Variants in CADPS2 observed in about 807,000 individuals in gnomAD.
CADPS2 encodes the protein calcium dependent secretion activator 2.
CADPS2 carries 93 observed loss-of-function variants against 172.5 expected under a neutral mutation model. The observed-to-expected ratio is 0.54, with a 90% confidence interval of 0.46 to 0.64. The LOEUF (loss-of-function observed/expected upper bound fraction) is 0.64, where lower values mean the gene tolerates loss of function less well. Among genes scored for constraint, CADPS2 ranks in the 30% least tolerant of loss-of-function variants. The pLI is 0.00. For synonymous variants in CADPS2, 546 were observed against 555.2 expected, an observed-to-expected ratio of 0.98 and a Z score of 0.23; for missense variants, 1,420 against 1,565.9, an observed-to-expected ratio of 0.91 and a Z score of 1.57.
intron 7 of CADPS2, among the ~76,000 whole-genome samples, chr7:122,575,116 C>T (rs969301311): frequency 1.3e-5 from 2 of 151,074 alleles, no homozygotes; most frequent in Non-Finnish European, 2.9e-5. Context: ...TTTTTCTAAT[C>T]CAGAATAAAG....
chr7:122,851,392 C>A (rs575589502), intron 1 of CADPS2, among the ~76,000 whole-genome samples: 1 of 152,152 alleles, frequency 6.6e-6, no homozygotes, highest in Non-Finnish European at 1.5e-5. Context: ...AAACCATGGC[C>A]TCAGAGTGAA....
At chr7:122,883,602 A>G (rs950910644) in intron 1 of CADPS2, among the ~76,000 whole-genome samples, 1 of 152,198 alleles carries the variant, frequency 6.6e-6, no homozygotes, top group Non-Finnish European at 1.5e-5. Flanking sequence ...AAATTCACAT[A>G]AACATAGTTA....
At chr7:122,702,344 C>T (rs1416508443) in intron 2 of CADPS2, 26 of 1,613,688 alleles carry the variant, frequency 1.6e-5, no homozygotes, top group Non-Finnish European at 2.2e-5. Flanking sequence ...TACTTTACTG[C>T]CCGTACCTTG....
At chr7:122,780,235 T>C (rs1318078325) in intron 1 of CADPS2, among the ~76,000 whole-genome samples, 1 of 152,080 alleles carries the variant, frequency 6.6e-6, no homozygotes, top group East Asian at 1.9e-4. Context: ...TTCTGCTTGA[T>C]TCCATTGAAG....
chr7:122,540,605 T>C (rs972688296), intron 8 of CADPS2, among the ~76,000 whole-genome samples: 4 of 152,094 alleles, frequency 2.6e-5, no homozygotes, highest in African/African-American at 9.7e-5. Context: ...TTCTCTTGCT[T>C]CTCTCAGCAA....
At chr7:122,617,770 ACAGTGGCT>A (rs1443680549) in intron 5 of CADPS2, among the ~76,000 whole-genome samples, 1 of 152,200 alleles carries the variant, frequency 6.6e-6, no homozygotes, top group Non-Finnish European at 1.5e-5. Context: ...TAAGCCGGGC[ACAGTGGCT>A]CACGCCTGTA....
At chr7:122,366,642 CACACATAT>C (rs2040903701) in intron 25 of CADPS2, 1 of 115,686 alleles carries the variant, frequency 8.6e-6, no homozygotes, top group African/African-American at 3.4e-5. Context: ...CACACACACA[CACACATAT>C]ATATACATAC....
intron 3 of CADPS2, among the ~76,000 whole-genome samples, chr7:122,661,150 A>G (rs993880255): frequency 2.0e-5 from 3 of 152,224 alleles, no homozygotes; most frequent in African/African-American, 4.8e-5. Context: ...ACAATAAAAC[A>G]TAACAATCCT....
At chr7:122,727,233 CAT>C (rs770087990) in intron 2 of CADPS2, among the ~76,000 whole-genome samples, 3 of 151,870 alleles carry the variant, frequency 2.0e-5, no homozygotes, top group African/African-American at 2.4e-5. Context: ...ATAGCACAAA[CAT>C]AAGCATCTCA....
chr7:122,694,635 C>T (rs187127617), intron 2 of CADPS2, among the ~76,000 whole-genome samples: 56 of 152,292 alleles, frequency 3.7e-4, no homozygotes, highest in Admixed American at 8.5e-4. Flanking sequence ...AAGAGACCAT[C>T]TGTTTTTCTA....
At chr7:122,488,727 G>A (rs1422113452) in intron 11 of CADPS2, among the ~76,000 whole-genome samples, 1 of 152,264 alleles carries the variant, frequency 6.6e-6, no homozygotes, top group Non-Finnish European at 1.5e-5. Flanking sequence ...CATGGAAGAA[G>A]AGTAGGGGGA....
intron 8 of CADPS2, among the ~76,000 whole-genome samples, chr7:122,549,676 C>T (rs2064010964): frequency 6.6e-6 from 1 of 151,538 alleles, no homozygotes; most frequent in Middle Eastern, 3.2e-3. Flanking sequence ...GTTCAAGGGA[C>T]TCAAGTAGGA....
intron 1 of CADPS2, among the ~76,000 whole-genome samples, chr7:122,761,351 C>T (rs990153239): frequency 2.0e-5 from 3 of 152,080 alleles, no homozygotes; most frequent in East Asian, 3.9e-4. Flanking sequence ...ACTAAGCCCA[C>T]AAGATGAAAA....
chr7:122,431,864 T>C (rs958150081), intron 17 of CADPS2, among the ~76,000 whole-genome samples: 1 of 116,586 alleles, frequency 8.6e-6, no homozygotes, highest in African/African-American at 3.3e-5. Flanking sequence ...GAGGTTGCAG[T>C]GGGCCAAGAT....
intron 2 of CADPS2, among the ~76,000 whole-genome samples, chr7:122,714,292 A>G (rs2136835643): frequency 6.6e-6 from 1 of 152,248 alleles, no homozygotes; most frequent in African/African-American, 2.4e-5. Flanking sequence ...AATACATGTA[A>G]GTAGCAGTCT....
chr7:122,615,893 AG>A (rs2074854968), intron 5 of CADPS2, among the ~76,000 whole-genome samples: 1 of 152,124 alleles, frequency 6.6e-6, no homozygotes, highest in Non-Finnish European at 1.5e-5. Context: ...TAACTTGGTA[AG>A]AAAAAATATT....
At chr7:122,698,586 G>C in intron 2 of CADPS2, 1 of 1,613,994 alleles carries the variant, frequency 6.2e-7, no homozygotes, top group Non-Finnish European at 8.5e-7. Context: ...TCTGTGTGAA[G>C]GTACAACCTC....
intron 15 of CADPS2, among the ~76,000 whole-genome samples, chr7:122,443,431 T>C (rs972371944): frequency 6.6e-6 from 1 of 152,182 alleles, no homozygotes; most frequent in Non-Finnish European, 1.5e-5. Flanking sequence ...GTGGAAAACA[T>C]TCAATTATCA....
At chr7:122,606,356 A>G (rs930604892) in intron 6 of CADPS2, among the ~76,000 whole-genome samples, 2 of 152,172 alleles carry the variant, frequency 1.3e-5, no homozygotes, top group Non-Finnish European at 2.9e-5. Flanking sequence ...GTTCCTACTC[A>G]GTCCTATTAA....
Sources: gnomAD v4.1 joint callset for allele counts (sites outside exome capture counted in the v4.1 genomes callset) on GRCh38, gnomAD v4.1.1 for gene constraint, MANE v1.5 for transcripts, NCBI Gene and HGNC (gene_info 2026-07-23, HGNC 2026-07-21) for gene names.